AIMP2: variants seen among roughly 807,000 people sequenced by gnomAD.
The protein encoded by AIMP2 is aminoacyl tRNA synthetase complex interacting multifunctional protein 2.
Under a neutral mutation model 23.4 loss-of-function variants are expected in AIMP2, and 20 were observed. The ratio of observed to expected loss-of-function variants is 0.85; its 90% CI spans 0.60 to 1.24. AIMP2 has a LOEUF of 1.24. Among genes scored for constraint, AIMP2 ranks in the 50% most tolerant of loss-of-function variants. The pLI is 0.00. For synonymous variants in AIMP2, 210 were observed against 170.4 expected (o/e 1.23, Z -1.81); for missense variants, 515 against 414.5 (o/e 1.24, Z -2.10).
Position 6,023,639 on chromosome 7 carries a change from G to T in AIMP2, c.911G>T (p.Arg304Met). ...CCAGCCAATGTGCAGAGGTGGATGA[G>T]GTCTTGTGAAAACCTGGCTCCTTTT... ...TVPANVQRWMRSCENLAPFNT... is the reference protein window; with the variant it reads ...TVPANVQRWMMSCENLAPFNT... Residue 304 changes from arginine (R) to methionine (M), a missense_variant, in exon 4 of 4, where the codon AGG becomes ATG. Transcript: ENST00000223029. The T allele has an allele frequency of 1.2e-6, 2 of 1,614,134 alleles. No individual in the cohort carries two copies. Among genetic ancestry groups the T allele is most frequent in the Non-Finnish European group, 1.7e-6 (2 of 1,180,020 alleles).
Position 6,017,954 on chromosome 7 carries a change from G to A in AIMP2, c.483G>A (p.Val161=). The A allele has an allele frequency of 6.2e-7, 1 of 1,613,980 alleles. No individual in the cohort carries two copies. The highest frequency in any genetic ancestry group is 8.5e-7 in the Non-Finnish European group (1 of 1,180,010). ...ACACGCACTCCTCGGTCAAGAGCGTGCCTGAAAACCTTCTCAAGTGCTTTG... is the reference window on the plus strand; with the variant it reads ...ACACGCACTCCTCGGTCAAGAGCGTACCTGAAAACCTTCTCAAGTGCTTTG... ...TVHTHSSVKS[V]PENLLKCFGE... Residue 161 remains valine (V), a synonymous_variant, in exon 3 of 4, where the codon GTG becomes GTA. Transcript: ENST00000223029.
At chr7:6,023,135 C>A in intron 3 of AIMP2, 168 bp from the exon 4 acceptor site, 1 of 764,242 alleles carries the variant, frequency 1.3e-6, no homozygotes, top group Non-Finnish European at 2.0e-6. Context: ...AAACCCTTTT[C>A]AGTAGTAAGC....
intron 1 of AIMP2, among the ~76,000 whole-genome samples, chr7:6,009,970 A>AT (rs1170519704): frequency 1.4e-3 from 50 of 34,618 alleles, no homozygotes; most frequent in African/African-American, 3.8e-3. Flanking sequence ...AAAAAAAAAA[A>AT]AAAAATATAT....
At chr7:6,017,774 C>T (rs757901351) in intron 2 of AIMP2, 40 bp from the exon 3 acceptor site, 28 of 1,565,998 alleles carry the variant, frequency 1.8e-5, no homozygotes, top group Non-Finnish European at 2.3e-5. Context: ...TGGCACTCTC[C>T]GATGACTGTT....
intron 3 of AIMP2, among the ~76,000 whole-genome samples, chr7:6,018,913 T>C (rs1466919797): frequency 2.6e-5 from 4 of 151,856 alleles, no homozygotes; most frequent in Non-Finnish European, 5.9e-5. Flanking sequence ...GTCTATTATT[T>C]ACATACACAA....
At chr7:6,021,212 C>T (rs531582723) in intron 3 of AIMP2, among the ~76,000 whole-genome samples, 4 of 152,032 alleles carry the variant, frequency 2.6e-5, no homozygotes, top group South Asian at 2.1e-4. Flanking sequence ...GGCATGGTGG[C>T]GCATGCCTGT....
intron 1 of AIMP2, among the ~76,000 whole-genome samples, chr7:6,011,490 G>A (rs1372215754): frequency 6.6e-6 from 1 of 152,130 alleles, no homozygotes; most frequent in Non-Finnish European, 1.5e-5. Context: ...TACATCCTAG[G>A]TTTCCAGCAG....
At chr7:6,009,974 A>AAAAAAATATATATATATAT in intron 1 of AIMP2, among the ~76,000 whole-genome samples, 11 of 26,648 alleles carry the variant, frequency 4.1e-4, no homozygotes, top group East Asian at 7.4e-3. Flanking sequence ...AAAAAAAAAA[A>AAAAAAATATATATATATAT]ATATATATAT....
intron 1 of AIMP2, among the ~76,000 whole-genome samples, chr7:6,010,807 G>GTTT (rs35316507): frequency 1.4e-5 from 2 of 143,416 alleles, no homozygotes; most frequent in African/African-American, 2.6e-5. Context: ...GTGTCTGGGT[G>GTTT]TTTTTTTTTT....
chr7:6,019,322 T>C (rs977983001), intron 3 of AIMP2, among the ~76,000 whole-genome samples: 22 of 142,930 alleles, frequency 1.5e-4, no homozygotes, highest in African/African-American at 5.5e-4. Flanking sequence ...TACTAAAAAA[T>C]ACAAAAAAAA....
Position 6,023,417 on chromosome 7 carries a change from C to T in AIMP2, c.689C>T (p.Ala230Val), listed in dbSNP as rs370354397. The change falls in exon 4 of 4, where the codon GCA becomes GTA. Residue 230 changes from alanine (A) to valine (V), a missense_variant. Ala to Val is a moderately conservative substitution (Grantham distance 64). Coordinates refer to ENST00000223029, the MANE Select transcript of AIMP2 (RefSeq NM_006303.4). The stretch of plus-strand genomic sequence containing the variant: ...GGCCAGAAGCATAATGCTGTCAACG[C>T]AACCCTTATAGATAGCTGGGTAGAT... ...LFGQKHNAVN[A>V]TLIDSWVDIA... is the part of the protein sequence containing the mutation. 3.1e-6 allele frequency: 5 copies of T among 1,614,240 alleles called. No homozygotes were observed. The African/African-American group carries it at 5.3e-5, about 17-fold the overall frequency.
chr7:6,022,733 A>G (rs1787519510), intron 3 of AIMP2: 1 of 152,512 alleles, frequency 6.6e-6, no homozygotes, highest in Non-Finnish European at 1.5e-5. Flanking sequence ...CAACCAGGCA[A>G]AGCGGGGAGT....
chr7:6,018,145 T>G (rs957311546), intron 3 of AIMP2, 100 bp downstream of exon 3: 28 of 816,252 alleles, frequency 3.4e-5, no homozygotes, highest in Non-Finnish European at 4.7e-5. Flanking sequence ...TTTTTCTTTT[T>G]CTTTTTTTTT....
intron 3 of AIMP2, chr7:6,022,791 A>G (rs1340838456): frequency 6.5e-6 from 1 of 153,830 alleles, no homozygotes; most frequent in Non-Finnish European, 1.4e-5. Context: ...ACTTACCATC[A>G]TAGGGACACT....
chr7:6,019,126 G>C (rs1169459151), intron 3 of AIMP2, among the ~76,000 whole-genome samples: 2 of 151,462 alleles, frequency 1.3e-5, no homozygotes, highest in Admixed American at 6.6e-5. Flanking sequence ...CTCCAGCGTG[G>C]GGAGTGTCTG....
intron 3 of AIMP2, among the ~76,000 whole-genome samples, chr7:6,020,802 T>C (rs531493342): frequency 6.6e-6 from 1 of 152,180 alleles, no homozygotes; most frequent in African/African-American, 2.4e-5. Flanking sequence ...ATCTATTAAG[T>C]AAAGAAGGGA....
intron 3 of AIMP2, among the ~76,000 whole-genome samples, chr7:6,018,690 C>A (rs189141451): frequency 1.2e-3 from 183 of 151,326 alleles, no homozygotes; most frequent in African/African-American, 4.0e-3. Flanking sequence ...AAAACTTAGC[C>A]GGGTGTGGTA....
intron 1 of AIMP2, 58 bp from the exon 2 acceptor site, chr7:6,015,088 T>G: frequency 6.2e-7 from 1 of 1,610,128 alleles, no homozygotes; most frequent in Non-Finnish European, 8.5e-7. Flanking sequence ...GTGATCAAAT[T>G]TAAACAACAC....
intron 1 of AIMP2, among the ~76,000 whole-genome samples, chr7:6,013,462 T>C (rs1421122330): frequency 6.6e-6 from 1 of 151,982 alleles, no homozygotes; most frequent in Non-Finnish European, 1.5e-5. Context: ...GGTTTCACCA[T>C]GTTGGCCAGG....
Sources: gnomAD v4.1 joint callset for allele counts (sites outside exome capture counted in the v4.1 genomes callset) on GRCh38, gnomAD v4.1.1 for gene constraint, MANE v1.5 for transcripts, NCBI Gene and HGNC (gene_info 2026-07-23, HGNC 2026-07-21) for gene names.